GPC5: variants seen among roughly 807,000 people sequenced by gnomAD.
GPC5 encodes glypican 5, also known as glypican-5.
GPC5 carries 47 observed loss-of-function variants against 53.9 expected under a neutral mutation model. The observed-to-expected ratio is 0.87, with a 90% CI of 0.69 to 1.11. The LOEUF is 1.11. GPC5 is among the 50% of genes most tolerant of loss of function. The probability of loss-of-function intolerance (pLI) is 0.00; values close to 1 mark genes in which losing one functional copy is unlikely to be tolerated. For synonymous variants in GPC5, 286 were observed against 263.3 expected, an observed-to-expected ratio of 1.09 and a Z score of -0.84; for missense variants, 748 against 713.1, an observed-to-expected ratio of 1.05 and a Z score of -0.56.
chr13:92,860,188 CA>C (rs1390451821), intron 7 of GPC5, among the ~76,000 whole-genome samples: 2 of 151,810 alleles, frequency 1.3e-5, no homozygotes, highest in Non-Finnish European at 2.9e-5. Flanking sequence ...CATAATTTAT[CA>C]AAAAAGGAAG....
chr13:91,755,638 A>G (rs967181654), intron 4 of GPC5, among the ~76,000 whole-genome samples: 1 of 152,132 alleles, frequency 6.6e-6, no homozygotes, highest in Non-Finnish European at 1.5e-5. Flanking sequence ...ATGGGGAAGG[A>G]AAGTATTGTG....
intron 7 of GPC5, among the ~76,000 whole-genome samples, chr13:92,159,212 ATT>A (rs1395972811): frequency 6.6e-6 from 1 of 152,136 alleles, no homozygotes; most frequent in East Asian, 1.9e-4. Context: ...TTATACTTTT[ATT>A]TTTTTCTGCC....
At chr13:92,199,335 G>A (rs2042278621) in intron 7 of GPC5, among the ~76,000 whole-genome samples, 1 of 152,050 alleles carries the variant, frequency 6.6e-6, no homozygotes, top group African/African-American at 2.4e-5. Flanking sequence ...AATATCTGCG[G>A]GTTTAACTTA....
At chr13:91,873,422 C>G (rs759342074) in intron 5 of GPC5, among the ~76,000 whole-genome samples, 19 of 152,146 alleles carry the variant, frequency 1.2e-4, no homozygotes, top group Non-Finnish European at 2.6e-4. Context: ...CAATTCCCAC[C>G]TGTTGAGGGA....
At chr13:91,553,383 T>C (rs1262745811) in intron 2 of GPC5, among the ~76,000 whole-genome samples, 2 of 138,110 alleles carry the variant, frequency 1.4e-5, no homozygotes, top group Non-Finnish European at 3.1e-5. Context: ...AAGAATATAT[T>C]AAATTTATAC....
At chr13:92,525,362 G>A (rs1392185477) in intron 7 of GPC5, among the ~76,000 whole-genome samples, 1 of 151,560 alleles carries the variant, frequency 6.6e-6, no homozygotes, top group Non-Finnish European at 1.5e-5. Context: ...CATATGAACT[G>A]CCTCATTTGA....
At chr13:92,131,050 G>A (rs2041739023) in intron 6 of GPC5, among the ~76,000 whole-genome samples, 1 of 151,694 alleles carries the variant, frequency 6.6e-6, no homozygotes, top group African/African-American at 2.4e-5. Flanking sequence ...ACTTGAATAG[G>A]CACTTTATTA....
chr13:92,248,225 A>G (rs2042667333), intron 7 of GPC5, among the ~76,000 whole-genome samples: 4 of 151,838 alleles, frequency 2.6e-5, no homozygotes, highest in African/African-American at 7.3e-5. Flanking sequence ...ACAGATTTTT[A>G]GCCCCATAGG....
intron 7 of GPC5, among the ~76,000 whole-genome samples, chr13:92,813,213 C>T (rs1439057245): frequency 7.2e-5 from 11 of 151,816 alleles, no homozygotes; most frequent in Non-Finnish European, 1.3e-4. Context: ...AAACGAGTCT[C>T]CTGATCCATT....
chr13:91,774,099 C>G (rs906655526), intron 5 of GPC5, among the ~76,000 whole-genome samples: 1 of 152,142 alleles, frequency 6.6e-6, no homozygotes, highest in Admixed American at 6.5e-5. Context: ...GAAGATTTCA[C>G]CAAGTAAACA....
chr13:92,108,216 G>T (rs1304484284), intron 6 of GPC5, among the ~76,000 whole-genome samples: 1 of 152,014 alleles, frequency 6.6e-6, no homozygotes, highest in African/African-American at 2.4e-5. Flanking sequence ...ATACATAGCA[G>T]TAAAGAATAT....
chr13:92,513,544 CCCTTT>C lies in GPC5; in HGVS notation c.1562-352717_1562-352713del, dbSNP rs71737823. Among the ~76,000 whole-genome samples, 559 of 148,684 alleles carry C rather than the reference CCCTTT, an allele frequency of 3.8e-3. 3 individuals are homozygous for C. The highest frequency in any genetic ancestry group is 9.6e-3 in the African/African-American group (388 of 40,308). On this transcript the variant is annotated intron_variant, in intron 7 of 7. Transcript: ENST00000377067. ...TCATTCTCTTTCCCTCCCTTTCTCTCCCTTTCCTTTCCTTTCCTTTCCTTTTTCCT... is the reference window on the plus strand; with the variant it reads ...TCATTCTCTTTCCCTCCCTTTCTCTCCCTTTCCTTTCCTTTCCTTTTTCCT...
intron 7 of GPC5, among the ~76,000 whole-genome samples, chr13:92,160,835 G>T (rs2041982411): frequency 6.6e-6 from 1 of 152,118 alleles, no homozygotes. Context: ...ATTGGTTTTT[G>T]AACACAAATT....
intron 7 of GPC5, chr13:92,241,765 C>T (rs918304125): frequency 6.6e-6 from 1 of 152,090 alleles, no homozygotes; most frequent in African/African-American, 2.4e-5. Context: ...TTTTAAAAAT[C>T]GACTTGAAAA....
At chr13:92,361,689 C>A (rs1287052551) in intron 7 of GPC5, among the ~76,000 whole-genome samples, 1 of 151,566 alleles carries the variant, frequency 6.6e-6, no homozygotes, top group Non-Finnish European at 1.5e-5. Context: ...AGATTCTTGC[C>A]TTTTAGGAGT....
Position 92,713,389 on chromosome 13 carries a change from G to A in GPC5, c.1562-152893G>A, listed in dbSNP as rs1300771843. 4.0e-5 allele frequency among the ~76,000 whole-genome samples: 6 copies of A among 148,318 alleles called. No homozygotes were observed. The East Asian group carries it at 8.0e-4, about 20-fold the overall frequency. On this transcript the variant is annotated intron_variant, in intron 7 of 7. Coordinates refer to ENST00000377067, the MANE Select transcript of GPC5 (RefSeq NM_004466.6). ...GGGTGGATCACGAGGTCAGGAGATC[G>A]AGACCATCCTGGCTAACACAGTGAA...
chr13:91,756,539 A>G (rs779634829), intron 5 of GPC5, 119 bp downstream of exon 5: 2 of 832,066 alleles, frequency 2.4e-6, no homozygotes, highest in African/African-American at 1.7e-5. Flanking sequence ...TACATTAAAT[A>G]CTTATCTTTA....
intron 5 of GPC5, among the ~76,000 whole-genome samples, chr13:91,892,348 G>T (rs545977077): frequency 6.0e-5 from 9 of 150,994 alleles, no homozygotes; most frequent in Non-Finnish European, 1.3e-4. Flanking sequence ...CTACTTACTT[G>T]TTCCTTTTTA....
At chr13:92,507,240 G>T (rs150401592) in intron 7 of GPC5, among the ~76,000 whole-genome samples, 1 of 152,122 alleles carries the variant, frequency 6.6e-6, no homozygotes, top group African/African-American at 2.4e-5. Context: ...AGTACATTGA[G>T]TTTGCCTCTA....
Sources: gnomAD v4.1 joint callset for allele counts (sites outside exome capture counted in the v4.1 genomes callset) on GRCh38, gnomAD v4.1.1 for gene constraint, MANE v1.5 for transcripts, NCBI Gene and HGNC (gene_info 2026-07-23, HGNC 2026-07-21) for gene names.